TAFA2: variants seen among roughly 807,000 people sequenced by gnomAD.
The protein encoded by TAFA2 is TAFA chemokine like family member 2, also known as chemokine-like protein TAFA-2.
In TAFA2, 7 loss-of-function variants were observed where a neutral mutation model predicts 18.8. The observed-to-expected ratio is 0.37, with a 90% CI of 0.21 to 0.70. TAFA2 has a LOEUF of 0.70. Among genes scored for constraint, TAFA2 ranks in the 30% least tolerant of loss-of-function variants. The pLI is 0.53. For missense variants in TAFA2, 122 were observed against 158.1 expected (o/e 0.77, Z 1.23); for synonymous variants, 60 against 54.2 (o/e 1.11, Z -0.47).
chr12:62,170,268 A>G (rs2062468570), intron 1 of TAFA2, among the ~76,000 whole-genome samples: 1 of 152,170 alleles, frequency 6.6e-6, no homozygotes, highest in African/African-American at 2.4e-5. Flanking sequence ...AATAAGTAAA[A>G]ATATGTTTAA....
At position 61,710,037 on chromosome 12, in the gene TAFA2, G is replaced by A. The variant is rs1433999789; in HGVS notation, c.*369C>T. On this transcript the variant is annotated 3_prime_UTR_variant, in exon 5 of 5. Transcript: ENST00000416284. ...CAGGACAGAAGGACAGTGCACTTGG[G>A]ATACAGCTTGCAGAAACAAGAAAAG... The A allele has an allele frequency of 1.7e-5, 4 of 234,032 alleles. No homozygotes were observed. The Admixed American group carries it at 2.1e-4, about 12-fold the overall frequency. The allele number at this position is 234,032 out of a possible 1,614,324, so 14.5% of individuals were successfully genotyped here. A position where few individuals can be genotyped will look rare whatever the true frequency, so the allele number is the denominator to read the frequency against.
chr12:61,870,788 GGTTAGAATTCCTCCTA>G (rs1437304315), intron 1 of TAFA2, among the ~76,000 whole-genome samples: 2 of 152,128 alleles, frequency 1.3e-5, no homozygotes, highest in Non-Finnish European at 1.5e-5. Flanking sequence ...TAGAAGGGCA[GGTTAGAATTCCTCCTA>G]TAGGATTTGC....
intron 1 of TAFA2, among the ~76,000 whole-genome samples, chr12:62,224,834 C>T (rs184096342): frequency 4.6e-5 from 7 of 152,200 alleles, no homozygotes; most frequent in Admixed American, 3.3e-4. Context: ...CAACTGTATA[C>T]TTAAACATTG....
At chr12:62,092,510 T>C (rs1868760049) in intron 1 of TAFA2, among the ~76,000 whole-genome samples, 1 of 151,982 alleles carries the variant, frequency 6.6e-6, no homozygotes, top group Non-Finnish European at 1.5e-5. Context: ...TTCCTTGACA[T>C]GAATAATCTA....
intron 1 of TAFA2, among the ~76,000 whole-genome samples, chr12:62,186,683 T>C (rs2062587915): frequency 6.6e-6 from 1 of 152,146 alleles, no homozygotes; most frequent in Admixed American, 6.5e-5. Context: ...ACAGCTACTA[T>C]GGAGTAACTT....
intron 1 of TAFA2, among the ~76,000 whole-genome samples, chr12:62,167,132 TA>T (rs2062446327): frequency 6.6e-6 from 1 of 152,102 alleles, no homozygotes; most frequent in African/African-American, 2.4e-5. Flanking sequence ...GTATTGGACA[TA>T]AATATACATA....
intron 1 of TAFA2, among the ~76,000 whole-genome samples, chr12:62,243,627 A>G (rs974971581): frequency 6.6e-6 from 1 of 152,200 alleles, no homozygotes; most frequent in Non-Finnish European, 1.5e-5. Flanking sequence ...TAATCACTAC[A>G]GCTATTATTT....
chr12:62,041,830 C>A (rs978108616), intron 1 of TAFA2, among the ~76,000 whole-genome samples: 2 of 151,898 alleles, frequency 1.3e-5, no homozygotes, highest in East Asian at 3.9e-4. Flanking sequence ...TTCTCACAAC[C>A]CTAGAAGATT....
chr12:62,035,622 G>T (rs960382194), intron 1 of TAFA2, among the ~76,000 whole-genome samples: 2 of 151,462 alleles, frequency 1.3e-5, no homozygotes, highest in Non-Finnish European at 2.9e-5. Context: ...AGTGGAGAGT[G>T]CAATGGGAAA....
rs938481701 is a variant in TAFA2 at position 62,237,709 on chromosome 12, G to A, written c.-130+21054C>T. On this transcript the variant is annotated intron_variant, in intron 1 of 5. Transcript: ENST00000551619. Reference sequence around the variant, plus strand: ...ACCTAGAGATTCTTTGCAGTTGCCTGTAAGTGCCCTTAATCCTAGATTGCT... The same window carrying A: ...ACCTAGAGATTCTTTGCAGTTGCCTATAAGTGCCCTTAATCCTAGATTGCT... Among the ~76,000 whole-genome samples the A allele has an allele frequency of 2.0e-5, 3 of 152,318 alleles. No homozygotes were observed. The South Asian group carries it at 6.2e-4, about 32-fold the overall frequency.
chr12:61,760,376 A>ATG (rs1448768809), intron 2 of TAFA2, among the ~76,000 whole-genome samples: 1 of 147,856 alleles, frequency 6.8e-6, no homozygotes, highest in African/African-American at 2.5e-5. Flanking sequence ...ATATATATAT[A>ATG]TATATATGCG....
chr12:61,867,274 T>C (rs754766419), intron 2 of TAFA2, 46 bp downstream of exon 2: 23 of 1,166,052 alleles, frequency 2.0e-5, no homozygotes, highest in Non-Finnish European at 1.8e-5. Flanking sequence ...GTGTTAAGGG[T>C]AGTCATCATC....
intron 1 of TAFA2, among the ~76,000 whole-genome samples, chr12:62,172,206 C>T (rs1326222425): frequency 6.6e-6 from 1 of 151,998 alleles, no homozygotes; most frequent in Non-Finnish European, 1.5e-5. Flanking sequence ...ATATAAAAAA[C>T]AAGGATGCCT....
At chr12:61,750,639 G>A (rs80339797) in intron 4 of TAFA2, among the ~76,000 whole-genome samples, 9,548 of 152,146 alleles carry the variant, frequency 0.063, 1,006 homozygotes, top group African/African-American at 0.22. Flanking sequence ...ATTCGGGAAG[G>A]TGCCACTCAT....
chr12:61,967,301 G>A (rs1283279586), intron 1 of TAFA2, among the ~76,000 whole-genome samples: 1 of 151,744 alleles, frequency 6.6e-6, no homozygotes, highest in African/African-American at 2.4e-5. Context: ...CTAAGGACTT[G>A]GCTTGCTCCC....
chr12:62,141,444 C>T (rs2062238578), intron 1 of TAFA2, among the ~76,000 whole-genome samples: 1 of 152,178 alleles, frequency 6.6e-6, no homozygotes, highest in Non-Finnish European at 1.5e-5. Context: ...GCAGCTTCAA[C>T]CTGCAGAAGC....
chr12:61,917,899 T>C (rs1438812108), intron 1 of TAFA2, among the ~76,000 whole-genome samples: 3 of 151,472 alleles, frequency 2.0e-5, no homozygotes, highest in Admixed American at 2.0e-4. Flanking sequence ...TGAGACTTTA[T>C]TCAGGAGCGC....
chr12:61,816,192 T>A (rs919301349), intron 2 of TAFA2, among the ~76,000 whole-genome samples: 1 of 151,212 alleles, frequency 6.6e-6, no homozygotes, highest in Non-Finnish European at 1.5e-5. Flanking sequence ...CACCATCAAG[T>A]AGACCCCAGT....
intron 1 of TAFA2, among the ~76,000 whole-genome samples, chr12:61,904,618 G>A (rs1384668297): frequency 2.6e-5 from 4 of 152,070 alleles, no homozygotes; most frequent in Admixed American, 2.6e-4. Flanking sequence ...GGTAAAGAAG[G>A]CAACATACTC....
Sources: gnomAD v4.1 joint callset for allele counts (sites outside exome capture counted in the v4.1 genomes callset) on GRCh38, gnomAD v4.1.1 for gene constraint, MANE v1.5 for transcripts, NCBI Gene and HGNC (gene_info 2026-07-23, HGNC 2026-07-21) for gene names.